ADGRV1: variants seen among roughly 807,000 people sequenced by gnomAD.
The protein encoded by ADGRV1 is G-protein coupled receptor 98.
A neutral mutation model predicts 596.2 loss-of-function variants in ADGRV1; 359 were observed. That is an observed-to-expected ratio of 0.60 (90% CI 0.55 to 0.66). The LOEUF (loss-of-function observed/expected upper bound fraction) is 0.66, where lower values mean the gene tolerates loss of function less well. ADGRV1 is among the 30% of genes least tolerant of loss of function. ADGRV1 has a pLI of 0.00. For missense variants in ADGRV1, 7,274 were observed against 7,575.6 expected (o/e 0.96, Z 1.48); for synonymous variants, 2,681 against 2,679.2 (o/e 1.00, Z -0.02).
chr5:91,105,342 G>A (rs544635123), intron 87 of ADGRV1, among the ~76,000 whole-genome samples: 22 of 152,162 alleles, frequency 1.4e-4, no homozygotes, highest in Non-Finnish European at 2.8e-4. Flanking sequence ...TCTTTCCTTA[G>A]GATAAATGCT....
chr5:90,687,509 C>T (rs929688744), intron 29 of ADGRV1, among the ~76,000 whole-genome samples: 3 of 152,128 alleles, frequency 2.0e-5, no homozygotes, highest in Non-Finnish European at 4.4e-5. Context: ...TGCCCTCTCT[C>T]ACCACTCGTA....
At chr5:90,970,712 C>T (rs1324116233) in intron 84 of ADGRV1, among the ~76,000 whole-genome samples, 3 of 152,044 alleles carry the variant, frequency 2.0e-5, no homozygotes, top group Non-Finnish European at 2.9e-5. Flanking sequence ...TGTACGTCAC[C>T]ATCATCAAAG....
chr5:90,674,447 T>C, intron 23 of ADGRV1: 1 of 371,998 alleles, frequency 2.7e-6, no homozygotes. Flanking sequence ...ATAATATGTT[T>C]TGAAAAGTTT....
intron 83 of ADGRV1, among the ~76,000 whole-genome samples, chr5:90,934,282 T>C (rs1581564496): frequency 6.6e-6 from 1 of 152,322 alleles, no homozygotes; most frequent in African/African-American, 2.4e-5. Flanking sequence ...CTGCTTATAA[T>C]TGATGTCTTC....
At chr5:91,024,992 T>C (rs530340216) in intron 85 of ADGRV1, among the ~76,000 whole-genome samples, 35 of 152,312 alleles carry the variant, frequency 2.3e-4, no homozygotes, top group African/African-American at 8.2e-4. Flanking sequence ...CCATTGGTTA[T>C]AAACGGCAGC....
chr5:90,705,521 A>G lies in ADGRV1; in HGVS notation c.8508A>G (p.Leu2836=), dbSNP rs888053130. The G allele has an allele frequency of 1.9e-6, 3 of 1,613,768 alleles. No individual in the cohort carries two copies. The African/African-American group carries it at 4.0e-5, about 22-fold the overall frequency. ...TTGCTCTTTCATCAAGATTTGTGTT[A>G]CTACAAGAGGCTAACATAACAATTC... ...LNFALSSRFV[L]LQEANITIQL... is the part of the protein sequence containing the mutation. Residue 2836 remains leucine, a synonymous_variant, in exon 37 of 90, where the codon TTA becomes TTG. Coordinates refer to ENST00000405460, the MANE Select transcript of ADGRV1 (RefSeq NM_032119.4).
chr5:91,117,976 G>GA (rs1792998550), intron 87 of ADGRV1, among the ~76,000 whole-genome samples: 1 of 152,094 alleles, frequency 6.6e-6, no homozygotes, highest in Admixed American at 6.6e-5. Flanking sequence ...GAAAATATTA[G>GA]CTACTCTTAT....
At chr5:91,089,841 T>G (rs542031768) in intron 86 of ADGRV1, among the ~76,000 whole-genome samples, 8 of 152,280 alleles carry the variant, frequency 5.3e-5, no homozygotes, top group African/African-American at 1.9e-4. Context: ...AGTTTAAAGA[T>G]GCATTGTACA....
intron 73 of ADGRV1, 65 bp from the exon 74 acceptor site, chr5:90,810,168 A>G: frequency 7.9e-7 from 1 of 1,265,206 alleles, no homozygotes; most frequent in East Asian, 2.5e-5. Context: ...TGAATGATGA[A>G]TCTCTACAGT....
chr5:90,810,402 A>G lies in ADGRV1; in HGVS notation c.15142A>G (p.Ser5048Gly), dbSNP rs1470987657. 1 of 1,613,796 alleles carries G rather than the reference A, an allele frequency of 6.2e-7. No individual in the cohort carries two copies. Among genetic ancestry groups the G allele is most frequent in the Non-Finnish European group, 8.5e-7 (1 of 1,179,834 alleles). Residue 5048 changes from serine to glycine, a missense_variant, in exon 74 of 90, where the codon AGC becomes GGC. By Grantham distance (56) the Ser-to-Gly change is moderately conservative (BLOSUM62 0). Transcript: ENST00000405460. Reference protein sequence around the residue: ...IKVSYQTTAGSAKPLEDFEPV... With the variant: ...IKVSYQTTAGGAKPLEDFEPV... ...AGTTTCTTATCAGACCACTGCAGGA[A>G]GCGCCAAGCCACTGGAAGATTTTGA...
chr5:90,913,759 A>G (rs2150703150), intron 83 of ADGRV1, among the ~76,000 whole-genome samples: 1 of 152,322 alleles, frequency 6.6e-6, no homozygotes, highest in East Asian at 1.9e-4. Flanking sequence ...TTATTCTGAA[A>G]TGAGTTCCAT....
At chr5:90,957,003 G>A (rs1777537895) in intron 83 of ADGRV1, among the ~76,000 whole-genome samples, 1 of 151,834 alleles carries the variant, frequency 6.6e-6, no homozygotes, top group African/African-American at 2.4e-5. Context: ...TGAAAAAGAT[G>A]CTAGCCCAGA....
chr5:90,862,167 G>T (rs909283650), intron 82 of ADGRV1, among the ~76,000 whole-genome samples: 2 of 152,160 alleles, frequency 1.3e-5, no homozygotes, highest in African/African-American at 4.8e-5. Context: ...AAAGGAAAAG[G>T]CTATAAGTAA....
chr5:90,810,212 A>T, intron 73 of ADGRV1, 21 bp from the exon 74 acceptor site: 1 of 1,512,506 alleles, frequency 6.6e-7, no homozygotes. Context: ...CAATTTCTTC[A>T]TGATTTAATT....
intron 43 of ADGRV1, among the ~76,000 whole-genome samples, chr5:90,718,936 GTTT>G (rs1180807451): frequency 6.6e-6 from 1 of 152,014 alleles, no homozygotes; most frequent in African/African-American, 2.4e-5. Flanking sequence ...ATTCCAAAAA[GTTT>G]TTATTTTGAG....
chr5:90,934,518 G>A (rs951914894), intron 83 of ADGRV1, among the ~76,000 whole-genome samples: 11 of 151,934 alleles, frequency 7.2e-5, no homozygotes, highest in African/African-American at 2.7e-4. Flanking sequence ...TAGGAGATAA[G>A]CACTTCCTCT....
intron 83 of ADGRV1, among the ~76,000 whole-genome samples, chr5:90,946,558 A>G (rs965451265): frequency 6.6e-6 from 1 of 152,074 alleles, no homozygotes; most frequent in Non-Finnish European, 1.5e-5. Flanking sequence ...TCAACCCATC[A>G]TCTAGGTATT....
intron 85 of ADGRV1, chr5:91,031,208 A>G: frequency 6.4e-7 from 1 of 1,563,872 alleles, no homozygotes; most frequent in Non-Finnish European, 8.8e-7. Context: ...GATTTCCAGG[A>G]GTGTGTCCAT....
chr5:90,831,555 TTTTG>T (rs1176999585), intron 77 of ADGRV1, among the ~76,000 whole-genome samples: 4 of 152,138 alleles, frequency 2.6e-5, no homozygotes, highest in African/African-American at 7.2e-5. Flanking sequence ...TATCCTTCCT[TTTTG>T]TTACAGATAA....
Sources: allele counts gnomAD v4.1 joint callset (sites outside exome capture counted in the v4.1 genomes callset), GRCh38; gene constraint gnomAD v4.1.1; transcripts MANE v1.5; gene names NCBI Gene and HGNC (gene_info 2026-07-23, HGNC 2026-07-21).